Variants in ARHGAP31 observed in about 807,000 individuals in gnomAD.
The protein encoded by ARHGAP31 is rho GTPase-activating protein 31.
A neutral mutation model predicts 113.9 loss-of-function variants in ARHGAP31; 34 were observed. The observed-to-expected ratio is 0.30, with a 90% CI of 0.23 to 0.40. The LOEUF is 0.40. Ranked by LOEUF, ARHGAP31 falls within the 10% of genes least tolerant of loss-of-function variation. ARHGAP31 has a pLI of 1.00. For synonymous variants in ARHGAP31, 650 were observed against 684.8 expected (o/e 0.95, Z 0.79); for missense variants, 1,548 against 1,767.1 (o/e 0.88, Z 2.22).
intron 1 of ARHGAP31, among the ~76,000 whole-genome samples, chr3:119,339,591 C>G (rs2079989914): frequency 6.6e-6 from 1 of 152,048 alleles, no homozygotes. Flanking sequence ...CCATTAACTC[C>G]CTCCGACCCG....
At chr3:119,341,882 C>A (rs1425974894) in intron 1 of ARHGAP31, 3 of 151,782 alleles carry the variant, frequency 2.0e-5, no homozygotes, top group Admixed American at 2.0e-4. Context: ...TGCGCAGGAG[C>A]CATGCTAATC....
chr3:119,321,718 A>G (rs1330951246), intron 1 of ARHGAP31, among the ~76,000 whole-genome samples: 4 of 152,182 alleles, frequency 2.6e-5, no homozygotes, highest in African/African-American at 9.7e-5. Flanking sequence ...TCACGATCTC[A>G]GCTCATTGAA....
At chr3:119,394,658 A>G (rs2080532503) in intron 8 of ARHGAP31, among the ~76,000 whole-genome samples, 1 of 152,024 alleles carries the variant, frequency 6.6e-6, no homozygotes, top group South Asian at 2.1e-4. Context: ...AACCAAAAAA[A>G]CAAAAAAAAG....
At chr3:119,307,227 T>C (rs1013645484) in intron 1 of ARHGAP31, among the ~76,000 whole-genome samples, 1 of 152,212 alleles carries the variant, frequency 6.6e-6, no homozygotes, top group African/African-American at 2.4e-5. Context: ...TGCCTCAGTT[T>C]CTTCATCTGT....
At chr3:119,336,382 G>A (rs1371348184) in intron 1 of ARHGAP31, among the ~76,000 whole-genome samples, 1 of 151,652 alleles carries the variant, frequency 6.6e-6, no homozygotes, top group East Asian at 1.9e-4. Context: ...TCGCTAGATG[G>A]GCCATAGTGT....
At chr3:119,331,690 T>C (rs1331739524) in intron 1 of ARHGAP31, among the ~76,000 whole-genome samples, 1 of 152,234 alleles carries the variant, frequency 6.6e-6, no homozygotes, top group East Asian at 1.9e-4. Context: ...TAATCACCTC[T>C]TCAGCCATTT....
At chr3:119,352,610 C>A (rs764622141) in intron 1 of ARHGAP31, among the ~76,000 whole-genome samples, 1 of 150,898 alleles carries the variant, frequency 6.6e-6, no homozygotes, top group Non-Finnish European at 1.5e-5. Flanking sequence ...CTCCCTCTTC[C>A]CACACACACA....
Position 119,414,902 on chromosome 3 carries a change from A to G in ARHGAP31, c.2973A>G (p.Ala991=). The change falls in exon 12 of 12, where the codon GCA becomes GCG. Residue 991 remains alanine (A), a synonymous_variant. Coordinates refer to ENST00000264245, the MANE Select transcript of ARHGAP31 (RefSeq NM_020754.4). The part of the protein sequence containing the change: ...ERNSDPLQPQ[A]PRREITGWDE... Reference sequence around the variant, plus strand: ...ATTCTGACCCTCTTCAGCCCCAGGCACCCAGGAGAGAGATTACTGGATGGG... The same window carrying G: ...ATTCTGACCCTCTTCAGCCCCAGGCGCCCAGGAGAGAGATTACTGGATGGG... The G allele has an allele frequency of 1.2e-6, 2 of 1,614,176 alleles. No homozygotes were observed. Among genetic ancestry groups the G allele is most frequent in the Non-Finnish European group, 1.7e-6 (2 of 1,180,002 alleles).
At chr3:119,333,078 C>T (rs1468490995) in intron 1 of ARHGAP31, among the ~76,000 whole-genome samples, 1 of 152,178 alleles carries the variant, frequency 6.6e-6, no homozygotes, top group Admixed American at 6.5e-5. Context: ...GATCCCAGAG[C>T]CCATGCGTCA....
At chr3:119,295,153 A>T (rs1419267987) in intron 1 of ARHGAP31, 149 bp downstream of exon 1, 257 of 664,578 alleles carry the variant, frequency 3.9e-4, no homozygotes, top group Non-Finnish European at 4.9e-4. Context: ...TTTTTTTTTT[A>T]AAGAACATAA....
At chr3:119,370,025 G>C in intron 3 of ARHGAP31, among the ~76,000 whole-genome samples, 1 of 152,132 alleles carries the variant, frequency 6.6e-6, no homozygotes, top group Non-Finnish European at 1.5e-5. Context: ...TTGACCTCTA[G>C]AGAAGTCAAC....
intron 6 of ARHGAP31, among the ~76,000 whole-genome samples, chr3:119,390,337 A>C (rs566299816): frequency 1.1e-4 from 16 of 152,346 alleles, no homozygotes; most frequent in Admixed American, 2.0e-4. Flanking sequence ...TGTGCTGTCC[A>C]GCTGTGGGGA....
intron 1 of ARHGAP31, among the ~76,000 whole-genome samples, chr3:119,358,778 G>A (rs904997581): frequency 6.6e-6 from 1 of 152,212 alleles, no homozygotes; most frequent in Non-Finnish European, 1.5e-5. Context: ...TATAGGAAAT[G>A]TCCAAAACGG....
Position 119,331,598 on chromosome 3 carries a change from A to C in ARHGAP31, c.101-33718A>C, listed in dbSNP as rs562355947. Among the ~76,000 whole-genome samples the C allele has an allele frequency of 4.2e-3, 636 of 152,326 alleles. 2 individuals carry two copies. The highest frequency in any genetic ancestry group is 6.6e-3 in the Non-Finnish European group (449 of 68,022). ...GACTAGAATGAAAATCATCAAAAAC[A>C]TTCTGAATCTAATGACAAAAAGAAA... On this transcript the variant is annotated intron_variant, in intron 1 of 11. Coordinates refer to ENST00000264245, the MANE Select transcript of ARHGAP31 (RefSeq NM_020754.4).
chr3:119,400,217 A>G (rs1360011352), intron 9 of ARHGAP31, among the ~76,000 whole-genome samples: 1 of 152,170 alleles, frequency 6.6e-6, no homozygotes, highest in African/African-American at 2.4e-5. Flanking sequence ...GGATCACTTG[A>G]GGCCAGGAGT....
chr3:119,326,203 GTAA>G (rs1553760369), intron 1 of ARHGAP31, among the ~76,000 whole-genome samples: 2 of 152,048 alleles, frequency 1.3e-5, no homozygotes, highest in Admixed American at 6.6e-5. Context: ...AAAAATAAAA[GTAA>G]TAATAATAAT....
At chr3:119,295,069 T>C in intron 1 of ARHGAP31, 65 bp downstream of exon 1, 1 of 1,470,912 alleles carries the variant, frequency 6.8e-7, no homozygotes, top group Non-Finnish European at 9.5e-7. Context: ...AGACGGACTC[T>C]CTCGAGTTGT....
chr3:119,328,635 CTT>C (rs1356281560), intron 1 of ARHGAP31, among the ~76,000 whole-genome samples: 5 of 150,328 alleles, frequency 3.3e-5, no homozygotes, highest in African/African-American at 9.7e-5. Flanking sequence ...CCACCTTTTT[CTT>C]TCTTTCTTTC....
In ARHGAP31 at chr3:119,314,595, A is replaced by G. The variant is rs897888282; in HGVS notation, c.100+19591A>G. ...GTGGAGGTGGAGGAGTGTGTTCTGT[A>G]TAAGTGTTTTGCACATATGTGTGCA... is the stretch of plus-strand genomic sequence containing the variant. On this transcript the variant is annotated intron_variant, in intron 1 of 11. Transcript: ENST00000264245. 4.6e-5 allele frequency: 7 copies of G among 152,478 alleles called. No individual in the cohort carries two copies. The East Asian group carries it at 7.7e-4, about 17-fold the overall frequency. 9.4% of individuals were successfully genotyped at this position (152,478 alleles called of 1,614,324 possible). A position where few individuals can be genotyped will look rare whatever the true frequency, so the allele number is the denominator to read the frequency against.
Sources: gnomAD v4.1 joint callset for allele counts (sites outside exome capture counted in the v4.1 genomes callset) on GRCh38, gnomAD v4.1.1 for gene constraint, MANE v1.5 for transcripts, NCBI Gene and HGNC (gene_info 2026-07-23, HGNC 2026-07-21) for gene names.